The following PIR variants were observed in gnomAD, a reference collection of about 807,000 sequenced individuals.
The protein encoded by PIR is pirin (iron-binding nuclear protein).
PIR carries 22 observed loss-of-function variants against 24.2 expected under a neutral mutation model. That is an observed-to-expected ratio of 0.91 (90% confidence interval 0.65 to 1.30). The LOEUF (loss-of-function observed/expected upper bound fraction) is 1.30, where lower values mean the gene tolerates loss of function less well. PIR is among the 50% of genes most tolerant of loss of function. The pLI, the probability that PIR is intolerant of heterozygous loss-of-function variation, is 0.00. For synonymous variants in PIR, 80 were observed against 79.6 expected, an observed-to-expected ratio of 1.00 and a Z score of -0.03; for missense variants, 220 against 220.3, an observed-to-expected ratio of 1.00 and a Z score of 0.01.
chrX:15,419,122 GA>G (rs140714501), intron 6 of PIR, among the ~76,000 whole-genome samples: 82 of 99,264 alleles, frequency 8.3e-4, no homozygotes, highest in Admixed American at 1.1e-3. Flanking sequence ...TGGAAAGGTG[GA>G]AAAAAAAAAA....
intron 1 of PIR, 95 bp downstream of exon 1, chrX:15,493,095 G>A (rs1479142553): frequency 5.3e-5 from 6 of 112,684 alleles, no homozygotes; most frequent in African/African-American, 1.9e-4. Context: ...ATCTCCCCTA[G>A]GAGTCTAAAG....
chrX:15,464,755 C>T (rs1349579991), intron 3 of PIR, among the ~76,000 whole-genome samples: 1 of 112,434 alleles, frequency 8.9e-6, no homozygotes, highest in Non-Finnish European at 1.9e-5. Context: ...TCTAGAATTG[C>T]TTTGCTTTTC....
intron 6 of PIR, among the ~76,000 whole-genome samples, chrX:15,416,141 A>G (rs187027603): frequency 8.9e-6 from 1 of 111,899 alleles, no homozygotes; most frequent in Admixed American, 9.5e-5. Context: ...TCAGGCTCTG[A>G]TTCACGTTAA....
At chrX:15,450,791 T>C (rs931082756) in intron 5 of PIR, among the ~76,000 whole-genome samples, 5 of 112,505 alleles carry the variant, frequency 4.4e-5, no homozygotes, top group Non-Finnish European at 9.4e-5. Flanking sequence ...AATATATTTT[T>C]AATCAAGTTA....
rs776683024 is a variant in PIR at position 15,464,747 on chromosome X, T to C, written c.190-5007A>G. Among the ~76,000 whole-genome samples, 31 of 112,655 alleles carry C rather than the reference T, an allele frequency of 2.8e-4. No individual in the cohort carries two copies. In the South Asian group the frequency reaches 9.2e-3, roughly 33 times the overall value. On this transcript the variant is annotated intron_variant, in intron 3 of 9. Transcript: ENST00000380420. ...CAGCCAAACTATAAGGAGTGGTGTC[T>C]AGAATTGCTTTGCTTTTCCTGCTGC...
chrX:15,431,621 T>C (rs1051007429), intron 5 of PIR, among the ~76,000 whole-genome samples: 6 of 105,727 alleles, frequency 5.7e-5, no homozygotes, highest in South Asian at 4.1e-4. Context: ...GTCACAAACA[T>C]AGAATGGAAA....
At chrX:15,435,463 T>C (rs1229342257) in intron 5 of PIR, among the ~76,000 whole-genome samples, 1 of 112,047 alleles carries the variant, frequency 8.9e-6, no homozygotes, top group Non-Finnish European at 1.9e-5. Flanking sequence ...AGGTAGGTTC[T>C]CCTTCTACCA....
chrX:15,387,086 T>C (rs1281573131), intron 9 of PIR, among the ~76,000 whole-genome samples: 72 of 17,120 alleles, frequency 4.2e-3, no homozygotes, highest in African/African-American at 0.014. Flanking sequence ...TTTTTTTTTT[T>C]TTTTTTTTTT....
chrX:15,490,915 C>T (rs983039887), intron 2 of PIR, among the ~76,000 whole-genome samples: 1 of 112,244 alleles, frequency 8.9e-6, no homozygotes, highest in Non-Finnish European at 1.9e-5. Context: ...CACCAGTGTG[C>T]AGAGAGAAGC....
intron 8 of PIR, among the ~76,000 whole-genome samples, chrX:15,392,106 G>A (rs1384443068): frequency 9.0e-6 from 1 of 111,134 alleles, no homozygotes; most frequent in East Asian, 2.8e-4. Flanking sequence ...CTAAACAACA[G>A]CCCCAGCAGA....
intron 6 of PIR, among the ~76,000 whole-genome samples, chrX:15,409,915 T>G (rs941566030): frequency 9.5e-6 from 1 of 105,507 alleles, no homozygotes; most frequent in Admixed American, 1.0e-4. Context: ...GTGTTTTCAG[T>G]TTTTTTTTTC....
chrX:15,423,625 A>AAAG (rs1310020653), intron 6 of PIR, among the ~76,000 whole-genome samples: 23 of 110,737 alleles, frequency 2.1e-4, no homozygotes, highest in African/African-American at 6.3e-4. Context: ...TAAAAAAAAA[A>AAAG]ATAGTGAAGA....
At position 15,487,623 on chromosome X, in the gene PIR, G is replaced by C. The variant is rs141843582; in HGVS notation, c.96+3539C>G. ...CGAGGAGTGTCTGGTAGCAGGAGTG[G>C]GCATAGAAGCAAGTGCAGATTAGTA... is the stretch of plus-strand genomic sequence containing the variant. On this transcript the variant is annotated intron_variant, in intron 2 of 9. Transcript: ENST00000380420. Among the ~76,000 whole-genome samples the C allele has an allele frequency of 3.7e-3, 412 of 112,069 alleles. 1 individual carries two copies. Among genetic ancestry groups the C allele is most frequent in the African/African-American group, 0.013 (398 of 30,806 alleles).
chrX:15,480,563 G>A (rs1922449546), intron 2 of PIR, among the ~76,000 whole-genome samples: 1 of 112,007 alleles, frequency 8.9e-6, no homozygotes, highest in African/African-American at 3.2e-5. Flanking sequence ...TTTGGAGGAA[G>A]ACAATTTTAC....
chrX:15,471,776 G>A (rs1255698239), intron 3 of PIR, among the ~76,000 whole-genome samples: 1 of 111,955 alleles, frequency 8.9e-6, no homozygotes, highest in Non-Finnish European at 1.9e-5. Context: ...TACCCATCTT[G>A]TTCCTCCTTA....
chrX:15,411,048 T>C (rs1192378699), intron 6 of PIR, among the ~76,000 whole-genome samples: 3 of 111,865 alleles, frequency 2.7e-5, no homozygotes, highest in African/African-American at 9.8e-5. Flanking sequence ...CCCACTTTTA[T>C]GTCCTGCACC....
At chrX:15,422,064 T>C (rs1602258720) in intron 6 of PIR, among the ~76,000 whole-genome samples, 1 of 111,547 alleles carries the variant, frequency 9.0e-6, no homozygotes, top group East Asian at 2.8e-4. Flanking sequence ...ATTATTTCAA[T>C]AGATGCTGAA....
chrX:15,457,265 C>T (rs970106693), intron 4 of PIR, among the ~76,000 whole-genome samples: 3 of 111,118 alleles, frequency 2.7e-5, no homozygotes, highest in South Asian at 7.6e-4. Context: ...ATATGGTCTG[C>T]CCACATATGG....
At chrX:15,446,922 T>C (rs1211856421) in intron 5 of PIR, among the ~76,000 whole-genome samples, 1 of 111,965 alleles carries the variant, frequency 8.9e-6, no homozygotes, top group Non-Finnish European at 1.9e-5. Context: ...TGGCAAAAAA[T>C]GATTCCCTGT....
Sources: allele counts gnomAD v4.1 joint callset (sites outside exome capture counted in the v4.1 genomes callset), GRCh38; gene constraint gnomAD v4.1.1; transcripts MANE v1.5; gene names NCBI Gene and HGNC (gene_info 2026-07-23, HGNC 2026-07-21).